The following PLS3 variants were observed in gnomAD, a reference collection of about 807,000 sequenced individuals.
The protein encoded by PLS3 is plastin 3, also known as plastin-3.
PLS3 carries 11 observed loss-of-function variants against 46.5 expected under a neutral mutation model. The ratio of observed to expected loss-of-function variants is 0.24; its 90% CI spans 0.15 to 0.39. The LOEUF (loss-of-function observed/expected upper bound fraction) is 0.39. Among genes scored for constraint, PLS3 ranks in the 10% least tolerant of loss-of-function variants. PLS3 has a pLI of 1.00. For missense variants in PLS3, 308 were observed against 461.8 expected (o/e 0.67, Z 3.05); for synonymous variants, 167 against 162.2 (o/e 1.03, Z -0.22).
Position 115,645,004 on chromosome X carries a change from G to T in PLS3, c.1184-17G>T, listed in dbSNP as rs782241573. On this transcript the variant is annotated splice_polypyrimidine_tract_variant and intron_variant, in intron 10 of 15. Transcript: ENST00000355899. ...AGTGTTTAATGAATCAGTAAATTTT[G>T]TGAATATTCTTAACAGGAGAAACTC... The T allele has an allele frequency of 6.5e-6, 7 of 1,081,069 alleles. No homozygotes were observed. The highest frequency in any genetic ancestry group is 9.0e-6 in the Non-Finnish European group (7 of 777,744). 89.1% of individuals were successfully genotyped at this position (1,081,069 alleles called of 1,213,427 possible).
In PLS3 at chrX:115,643,389, C is replaced by G; in HGVS notation, c.1064C>G (p.Pro355Arg). ...TTAGGTTGCAGACAGTTTGTTACCC[C>G]TGCTGATGTTGTCAGTGGAAACCCC... ...DKLGCRQFVT[P>R]ADVVSGNPKL... Residue 355 changes from proline to arginine, a missense_variant, in exon 10 of 16, where the codon CCT becomes CGT. Physicochemically the swap from Pro to Arg is moderately radical, Grantham distance 103. Coordinates refer to ENST00000355899, the MANE Select transcript of PLS3 (RefSeq NM_005032.7). The G allele has an allele frequency of 8.4e-7, 1 of 1,191,316 alleles. No homozygotes were observed. The highest frequency in any genetic ancestry group is 1.1e-6 in the Non-Finnish European group (1 of 877,141).
chrX:115,608,957 G>A (rs1489708757), intron 1 of PLS3, among the ~76,000 whole-genome samples: 1 of 109,719 alleles, frequency 9.1e-6, no homozygotes, highest in African/African-American at 3.3e-5. Context: ...TCTATTGGCC[G>A]GGTACGGTGG....
At chrX:115,627,098 C>T (rs1372384238) in intron 3 of PLS3, among the ~76,000 whole-genome samples, 1 of 111,088 alleles carries the variant, frequency 9.0e-6, no homozygotes, top group Non-Finnish European at 1.9e-5. Context: ...GTGATCCACC[C>T]ACTTTGGCCT....
At chrX:115,610,642 A>G (rs181747021) in intron 2 of PLS3, among the ~76,000 whole-genome samples, 3 of 110,075 alleles carry the variant, frequency 2.7e-5, no homozygotes, top group South Asian at 3.9e-4. Flanking sequence ...AGTTATTATT[A>G]TATTTTGTAT....
intron 1 of PLS3, among the ~76,000 whole-genome samples, chrX:115,591,430 C>T (rs1246508812): frequency 8.9e-6 from 1 of 111,863 alleles, no homozygotes; most frequent in Non-Finnish European, 1.9e-5. Flanking sequence ...ACTGTTATAA[C>T]GACCTGTAAA....
intron 1 of PLS3, among the ~76,000 whole-genome samples, chrX:115,563,210 A>G (rs1229445563): frequency 8.9e-6 from 1 of 111,751 alleles, no homozygotes; most frequent in Non-Finnish European, 1.9e-5. Context: ...ACTGTTCCCT[A>G]TTTTAGGCAA....
chrX:115,611,934 A>C (rs1162130520), intron 2 of PLS3, among the ~76,000 whole-genome samples: 1 of 111,559 alleles, frequency 9.0e-6, no homozygotes, highest in East Asian at 2.8e-4. Flanking sequence ...AGTAGAGTTT[A>C]AGATAGGCGT....
At chrX:115,578,172 T>G (rs2074259188) in intron 1 of PLS3, among the ~76,000 whole-genome samples, 1 of 111,803 alleles carries the variant, frequency 8.9e-6, no homozygotes, top group African/African-American at 3.2e-5. Flanking sequence ...AGGCAAGATA[T>G]GAAGGAAATC....
intron 2 of PLS3, among the ~76,000 whole-genome samples, chrX:115,620,649 T>TG (rs2074639716): frequency 9.2e-6 from 1 of 108,332 alleles, no homozygotes; most frequent in South Asian, 4.2e-4. Context: ...AAATGTCCCC[T>TG]GGGGGCAAGA....
intron 1 of PLS3, among the ~76,000 whole-genome samples, chrX:115,564,249 A>G (rs1166463682): frequency 1.8e-5 from 2 of 112,120 alleles, no homozygotes; most frequent in Non-Finnish European, 3.8e-5. Flanking sequence ...CTTAATACAG[A>G]CGATCAACAT....
At chrX:115,576,999 A>G (rs782467089) in intron 1 of PLS3, among the ~76,000 whole-genome samples, 5 of 112,133 alleles carry the variant, frequency 4.5e-5, no homozygotes, top group Non-Finnish European at 9.4e-5. Flanking sequence ...CTCCAGGACA[A>G]TGGTGGAGGA....
chrX:115,622,473 ATAGTATT>A lies in PLS3; in HGVS notation c.237+65_237+71del, dbSNP rs1225415163. ...ATGTTCCCTCGTCTAGTGGGATGTT[ATAGTATT>A]AAGTACTGTTATGTTAAGTTCTTAA... On this transcript the variant is annotated intron_variant, in intron 3 of 15. Coordinates refer to ENST00000355899, the MANE Select transcript of PLS3 (RefSeq NM_005032.7). 3.2e-5 allele frequency: 23 copies of A among 720,920 alleles called. No individual in the cohort carries two copies. In the Admixed American group the frequency reaches 5.9e-4, roughly 18 times the overall value. The allele number at this position is 720,920 out of a possible 1,213,427, so 59.4% of individuals were successfully genotyped here. A position where few individuals can be genotyped will look rare whatever the true frequency, so the allele number is the denominator to read the frequency against.
intron 1 of PLS3, among the ~76,000 whole-genome samples, chrX:115,576,397 C>T (rs1020733558): frequency 1.3e-4 from 15 of 111,159 alleles, no homozygotes; most frequent in African/African-American, 4.6e-4. Context: ...AGCGAGACCT[C>T]ATCTCTACTA....
chrX:115,579,418 G>A (rs73636298), intron 1 of PLS3, among the ~76,000 whole-genome samples: 3,202 of 111,657 alleles, frequency 0.029, 115 homozygotes, highest in African/African-American at 0.098. Context: ...GATTAATGCC[G>A]GAAGAGTGCA....
At chrX:115,606,080 A>G (rs2074488242) in intron 1 of PLS3, among the ~76,000 whole-genome samples, 1 of 97,621 alleles carries the variant, frequency 1.0e-5, no homozygotes, top group Admixed American at 1.1e-4. Context: ...CAGCAGGGAT[A>G]AGGGGGGCGG....
At chrX:115,577,500 C>G (rs1458469758) in intron 1 of PLS3, among the ~76,000 whole-genome samples, 1 of 109,687 alleles carries the variant, frequency 9.1e-6, no homozygotes, top group African/African-American at 3.3e-5. Context: ...TTAATTGAGA[C>G]GGAATCTTGC....
At position 115,621,574 on chromosome X, in the gene PLS3, G is replaced by A. The variant is rs782600980; in HGVS notation, c.74-672G>A. ...AGGTTTTTTTTTTCTATTTTTAAAA[G>A]CTTCAGAATAAACATCATTCATTTA... On this transcript the variant is annotated intron_variant, in intron 2 of 15. Coordinates refer to ENST00000355899, the MANE Select transcript of PLS3 (RefSeq NM_005032.7). Among the ~76,000 whole-genome samples the A allele has an allele frequency of 3.5e-3, 390 of 110,343 alleles. 4 individuals are homozygous for A. Among genetic ancestry groups the A allele is most frequent in the African/African-American group, 0.012 (380 of 30,421 alleles).
At chrX:115,648,378 C>T (rs973603412) in intron 15 of PLS3, among the ~76,000 whole-genome samples, 32 of 110,856 alleles carry the variant, frequency 2.9e-4, no homozygotes, top group Admixed American at 1.2e-3. Flanking sequence ...TTTTAAAAAA[C>T]GCATTATCCA....
intron 13 of PLS3, among the ~76,000 whole-genome samples, chrX:115,647,285 T>C (rs782816142): frequency 9.3e-6 from 1 of 107,881 alleles, no homozygotes; most frequent in Non-Finnish European, 1.9e-5. Flanking sequence ...TATAAAAAAT[T>C]AGCCGGGCGT....
Sources: gnomAD v4.1 joint callset for allele counts (sites outside exome capture counted in the v4.1 genomes callset) on GRCh38, gnomAD v4.1.1 for gene constraint, MANE v1.5 for transcripts, NCBI Gene and HGNC (gene_info 2026-07-23, HGNC 2026-07-21) for gene names.